The following RIMKLA variants were observed in gnomAD, a reference collection of about 807,000 sequenced individuals.
The protein encoded by RIMKLA is ribosomal modification protein rimK like family member A, also known as N-acetylaspartylglutamate synthase A.
RIMKLA carries 14 observed loss-of-function variants against 32.7 expected under a neutral mutation model. That is an observed-to-expected ratio of 0.43 (90% CI 0.28 to 0.67). The LOEUF (loss-of-function observed/expected upper bound fraction) is 0.67, where lower values mean the gene tolerates loss of function less well. Among genes scored for constraint, RIMKLA ranks in the 30% least tolerant of loss-of-function variants. The pLI, the probability that RIMKLA is intolerant of heterozygous loss-of-function variation, is 0.18. For synonymous variants in RIMKLA, 176 were observed against 204.1 expected (o/e 0.86, Z 1.18); for missense variants, 410 against 519.0 (o/e 0.79, Z 2.04).
chr1:42,406,338 C>G (rs1275841206), intron 3 of RIMKLA, among the ~76,000 whole-genome samples: 1 of 152,168 alleles, frequency 6.6e-6, no homozygotes, highest in Admixed American at 6.5e-5. Flanking sequence ...TCCATCACCC[C>G]CAAAAGAAGC....
intron 2 of RIMKLA, among the ~76,000 whole-genome samples, chr1:42,401,482 C>G: frequency 6.8e-6 from 1 of 147,120 alleles, no homozygotes. Context: ...GGAGGGCGGG[C>G]AACTTGAGAG....
intron 1 of RIMKLA, among the ~76,000 whole-genome samples, chr1:42,395,798 AC>A (rs746805422): frequency 5.9e-5 from 9 of 152,180 alleles, no homozygotes; most frequent in Non-Finnish European, 1.3e-4. Flanking sequence ...CCAGCCTTAA[AC>A]CCAAATTGTC....
chr1:42,394,684 A>G (rs1432475825), intron 1 of RIMKLA, among the ~76,000 whole-genome samples: 7 of 152,188 alleles, frequency 4.6e-5, no homozygotes, highest in Non-Finnish European at 8.8e-5. Flanking sequence ...TCTCTTTATC[A>G]TAAAGTGTAT....
At chr1:42,385,896 TTCC>T (rs1642941863) in intron 1 of RIMKLA, among the ~76,000 whole-genome samples, 1 of 100,904 alleles carries the variant, frequency 9.9e-6, no homozygotes, top group African/African-American at 3.6e-5. Flanking sequence ...CTTTCTTTCT[TTCC>T]TTCTTTCCTT....
intron 1 of RIMKLA, among the ~76,000 whole-genome samples, chr1:42,382,936 C>T (rs1642901852): frequency 1.3e-5 from 2 of 152,066 alleles, no homozygotes; most frequent in African/African-American, 4.8e-5. Context: ...TTGGCTCATG[C>T]AGCCTCCACC....
At chr1:42,381,519 G>T (rs560226041) in intron 1 of RIMKLA, among the ~76,000 whole-genome samples, 1 of 152,266 alleles carries the variant, frequency 6.6e-6, no homozygotes, top group East Asian at 1.9e-4. Context: ...TTTTAAAAAA[G>T]TTTTTTGGGA....
rs1407672109 is a variant in RIMKLA at position 42,415,255 on chromosome 1, TC to T, written c.*282del. On this transcript the variant is annotated 3_prime_UTR_variant, in exon 5 of 5. Transcript: ENST00000431473. ...TTACGGCTGACGCTAAGGCACTGAC[TC>T]TGCTGTTGCTTCTGACTTTTAGCAG... 8 of 333,330 alleles carry T rather than the reference TC, an allele frequency of 2.4e-5. No individual in the cohort carries two copies. Among genetic ancestry groups the T allele is most frequent in the Non-Finnish European group, 4.4e-5 (8 of 182,930 alleles). 20.6% of individuals were successfully genotyped at this position (333,330 alleles called of 1,614,324 possible). A position where few individuals can be genotyped will look rare whatever the true frequency, so the allele number is the denominator to read the frequency against.
At chr1:42,389,627 C>G (rs553765980) in intron 1 of RIMKLA, among the ~76,000 whole-genome samples, 9 of 152,142 alleles carry the variant, frequency 5.9e-5, no homozygotes, top group East Asian at 5.8e-4. Context: ...GCCTGGCCAA[C>G]ATGGTGAAAT....
Position 42,410,021 on chromosome 1 carries a change from C to A in RIMKLA, c.519C>A (p.Leu173=). 1 of 1,614,186 alleles carries A rather than the reference C, an allele frequency of 6.2e-7. No individual in the cohort carries two copies. Among genetic ancestry groups the A allele is most frequent in the Non-Finnish European group, 8.5e-7 (1 of 1,180,024 alleles). Residue 173 remains leucine (L), a synonymous_variant, in exon 4 of 5, where the codon CTC becomes CTA. Coordinates refer to ENST00000431473, the MANE Select transcript of RIMKLA (RefSeq NM_173642.4). ...AVFLARDKHH[L]SDICHLIRHD... ...TTCTGGCAAGAGATAAACATCACCT[C>A]TCTGACATCTGCCATCTGATCCGCC...
At chr1:42,383,014 C>CT (rs950277129) in intron 1 of RIMKLA, among the ~76,000 whole-genome samples, 32 of 147,666 alleles carry the variant, frequency 2.2e-4, no homozygotes, top group South Asian at 6.5e-4. Flanking sequence ...TGTGCCACTA[C>CT]TTTTTTTTTT....
Position 42,415,697 on chromosome 1 carries a change from C to T in RIMKLA, c.*723C>T, listed in dbSNP as rs1643240759. On this transcript the variant is annotated 3_prime_UTR_variant, in exon 5 of 5. Transcript: ENST00000431473. ...GCTCTAGCAGCTTCTTGCACCTTTGCTGCCTTTGGCCTCAGCTGGAAATGC... is the reference window on the plus strand; with the variant it reads ...GCTCTAGCAGCTTCTTGCACCTTTGTTGCCTTTGGCCTCAGCTGGAAATGC... 2 of 152,260 alleles carry T rather than the reference C, an allele frequency of 1.3e-5. No homozygotes were observed. The highest frequency in any genetic ancestry group is 1.3e-4 in the Admixed American group (2 of 15,284). 9.4% of individuals were successfully genotyped at this position (152,260 alleles called of 1,614,324 possible). A position where few individuals can be genotyped will look rare whatever the true frequency, so the allele number is the denominator to read the frequency against.
chr1:42,389,038 A>G (rs542372312), intron 1 of RIMKLA, among the ~76,000 whole-genome samples: 62 of 152,326 alleles, frequency 4.1e-4, no homozygotes, highest in African/African-American at 1.5e-3. Flanking sequence ...TTTGAAGACA[A>G]AGTGGTCAGG....
At chr1:42,412,325 C>T (rs1026109637) in intron 4 of RIMKLA, 14 of 179,766 alleles carry the variant, frequency 7.8e-5, no homozygotes, top group Admixed American at 6.3e-4. Flanking sequence ...TCAGTCCTTT[C>T]CATATCTCTC....
At chr1:42,387,027 A>G (rs1427897225) in intron 1 of RIMKLA, among the ~76,000 whole-genome samples, 1 of 151,656 alleles carries the variant, frequency 6.6e-6, no homozygotes, top group Non-Finnish European at 1.5e-5. Flanking sequence ...AGATTACGCC[A>G]TTGCCCTCTA....
chr1:42,410,208 GT>G, intron 4 of RIMKLA, 21 bp downstream of exon 4: 1 of 1,600,398 alleles, frequency 6.2e-7, no homozygotes, highest in Non-Finnish European at 8.6e-7. Context: ...AAAGCACAGG[GT>G]TTTATTAGGG....
rs1643304874 is a variant in RIMKLA, at chr1:42,422,678, A to G, written c.*7704A>G. 6.6e-6 allele frequency: 1 copy of G among 152,222 alleles called. No homozygotes were observed. Among genetic ancestry groups the G allele is most frequent in the Non-Finnish European group, 1.5e-5 (1 of 68,050 alleles). 9.4% of individuals were successfully genotyped at this position (152,222 alleles called of 1,614,324 possible). On this transcript the variant is annotated 3_prime_UTR_variant, in exon 5 of 5. Transcript: ENST00000431473. ...TGAATCTACATTTTATTATTTTCAT[A>G]TCATAAAATGAGGAAGAGCCTTCAC...
Position 42,380,895 on chromosome 1 carries a change from G to A in RIMKLA, c.-40G>A. 3 of 1,256,608 alleles carry A rather than the reference G, an allele frequency of 2.4e-6. No individual in the cohort carries two copies. Among genetic ancestry groups the A allele is most frequent in the Non-Finnish European group, 3.0e-6 (3 of 1,003,678 alleles). The allele number at this position is 1,256,608 out of a possible 1,614,324, so 77.8% of individuals were successfully genotyped here. On this transcript the variant is annotated 5_prime_UTR_variant, in exon 1 of 5. Coordinates refer to ENST00000431473, the MANE Select transcript of RIMKLA (RefSeq NM_173642.4). ...TACTGAGCGAGCGGCCCGGGGCGCC[G>A]AGGGGTCCGCGCCGCGCGGGGCGCA...
chr1:42,409,461 TC>T (rs1643178988), intron 3 of RIMKLA, among the ~76,000 whole-genome samples: 1 of 152,244 alleles, frequency 6.6e-6, no homozygotes, highest in Admixed American at 6.5e-5. Context: ...TGATGTTATA[TC>T]ACTCTGTGCT....
intron 1 of RIMKLA, among the ~76,000 whole-genome samples, chr1:42,393,709 C>T (rs1643018367): frequency 6.6e-6 from 1 of 152,126 alleles, no homozygotes; most frequent in South Asian, 2.1e-4. Context: ...GGAGGTGTGC[C>T]AAGTCATGTT....
Sources: allele counts gnomAD v4.1 joint callset (sites outside exome capture counted in the v4.1 genomes callset), GRCh38; gene constraint gnomAD v4.1.1; transcripts MANE v1.5; gene names NCBI Gene and HGNC (gene_info 2026-07-23, HGNC 2026-07-21).